HTR2C: variants seen among roughly 807,000 people sequenced by gnomAD.
HTR2C encodes 5-hydroxytryptamine receptor 2C, also known as 5-hydroxytryptamine (serotonin) receptor 2C, G protein-coupled.
HTR2C carries 5 observed loss-of-function variants against 21.0 expected under a neutral mutation model. The observed-to-expected ratio is 0.24, with a 90% CI of 0.12 to 0.50. The LOEUF is 0.50. Ranked by LOEUF, HTR2C falls within the 20% of genes least tolerant of loss-of-function variation. HTR2C has a pLI of 0.98. For synonymous variants in HTR2C, 150 were observed against 145.3 expected (o/e 1.03, Z -0.23); for missense variants, 271 against 371.2 (o/e 0.73, Z 2.22).
In HTR2C at chrX:114,866,008, G is replaced by A. The variant is rs1307879837; in HGVS notation, c.550+17805G>A. Among the ~76,000 whole-genome samples, 20 of 110,439 alleles carry A rather than the reference G, an allele frequency of 1.8e-4. No individual in the cohort carries two copies. The Admixed American group carries it at 1.9e-3, about 11-fold the overall frequency. The stretch of plus-strand genomic sequence containing the variant: ...ACTTTTGTGTTTTTAGTAGAGACGG[G>A]ATTTCACCATATTGATCAGGCTGGT... On this transcript the variant is annotated intron_variant, in intron 5 of 5. Coordinates refer to ENST00000276198, the MANE Select transcript of HTR2C (RefSeq NM_000868.4).
At chrX:114,681,519 A>C (rs1556413503) in intron 2 of HTR2C, among the ~76,000 whole-genome samples, 1 of 111,060 alleles carries the variant, frequency 9.0e-6, no homozygotes, top group Non-Finnish European at 1.9e-5. Context: ...AATGAGTAAC[A>C]CTGCAAGAAA....
Position 114,722,976 on chromosome X carries a change from CT to C in HTR2C, c.-79-3876del, listed in dbSNP as rs1407655750. ...ATCAAGGATATCGGTCTAAAATTCT[CT>C]TTTTTGGTTGTGTCTCTGCCCAGCT... On this transcript the variant is annotated intron_variant, in intron 2 of 5. Transcript: ENST00000276198. Among the ~76,000 whole-genome samples the C allele has an allele frequency of 2.7e-5, 3 of 111,146 alleles. No homozygotes were observed. The East Asian group carries it at 8.5e-4, about 31-fold the overall frequency.
chrX:114,723,737 A>C (rs1556421207), intron 2 of HTR2C, among the ~76,000 whole-genome samples: 2 of 110,771 alleles, frequency 1.8e-5, no homozygotes, highest in Admixed American at 1.9e-4. Context: ...ATTGGTTTCA[A>C]AGAACATCTT....
chrX:114,665,567 T>C (rs954471829), intron 2 of HTR2C, among the ~76,000 whole-genome samples: 7 of 112,198 alleles, frequency 6.2e-5, no homozygotes, highest in Non-Finnish European at 9.4e-5. Flanking sequence ...TTAACAAATG[T>C]TTTCTATGTT....
intron 2 of HTR2C, among the ~76,000 whole-genome samples, chrX:114,688,458 A>G (rs1165571714): frequency 4.5e-5 from 5 of 111,971 alleles, no homozygotes; most frequent in African/African-American, 1.6e-4. Flanking sequence ...ATAAACATAC[A>G]TAAGCAACCA....
intron 5 of HTR2C, among the ~76,000 whole-genome samples, chrX:114,899,204 G>A (rs1332780843): frequency 1.8e-5 from 2 of 111,311 alleles, no homozygotes; most frequent in Non-Finnish European, 3.8e-5. Context: ...TGTTGTTTCT[G>A]TATAGGAATG....
rs782209448 is a variant in HTR2C at position 114,907,350 on chromosome X, G to C, written c.1312G>C (p.Val438Leu). The change falls in exon 6 of 6, where the codon GTT (valine) becomes CTT (leucine). Residue 438 changes from valine (V) to leucine (L), a missense_variant. Val to Leu is a conservative substitution (Grantham distance 32). Transcript: ENST00000276198. ...SDNEPGIEMQ[V>L]ENLELPVNPS... ...CAATGAGCCCGGTATAGAGATGCAAGTTGAGAATTTAGAGTTACCAGTAAA... is the reference window on the plus strand; with the variant it reads ...CAATGAGCCCGGTATAGAGATGCAACTTGAGAATTTAGAGTTACCAGTAAA... 50 of 1,209,581 alleles carry C rather than the reference G, an allele frequency of 4.1e-5. No homozygotes were observed. Among genetic ancestry groups the C allele is most frequent in the Non-Finnish European group, 5.3e-5 (47 of 895,024 alleles).
chrX:114,834,103 G>A (rs2070756767), intron 4 of HTR2C, among the ~76,000 whole-genome samples: 1 of 109,999 alleles, frequency 9.1e-6, no homozygotes, highest in Non-Finnish European at 1.9e-5. Context: ...CATTTGCTGA[G>A]GAGAGCTTTA....
chrX:114,882,397 G>C (rs1422206254), intron 5 of HTR2C, among the ~76,000 whole-genome samples: 1 of 110,215 alleles, frequency 9.1e-6, no homozygotes, highest in Non-Finnish European at 1.9e-5. Context: ...AAAGGGGCCA[G>C]ACTGAATATT....
intron 4 of HTR2C, among the ~76,000 whole-genome samples, chrX:114,766,110 G>T (rs782306560): frequency 2.9e-4 from 32 of 111,641 alleles, no homozygotes; most frequent in Non-Finnish European, 5.3e-4. Flanking sequence ...GTTATGCAAA[G>T]AATTTGTGCC....
chrX:114,750,605 G>A (rs183655891), intron 4 of HTR2C, among the ~76,000 whole-genome samples: 5 of 111,545 alleles, frequency 4.5e-5, no homozygotes, highest in East Asian at 2.8e-4. Flanking sequence ...TTTAATTCTC[G>A]CAAACCATAT....
intron 2 of HTR2C, among the ~76,000 whole-genome samples, chrX:114,637,459 T>C (rs972542752): frequency 2.7e-5 from 3 of 112,026 alleles, no homozygotes; most frequent in African/African-American, 9.7e-5. Context: ...TGCTGAAATA[T>C]TAAGCTGCAG....
At chrX:114,852,924 A>T (rs1393688857) in intron 5 of HTR2C, among the ~76,000 whole-genome samples, 2 of 111,502 alleles carry the variant, frequency 1.8e-5, no homozygotes, top group Non-Finnish European at 3.8e-5. Flanking sequence ...TTCAGAATTT[A>T]TCTTCTAAAT....
intron 4 of HTR2C, among the ~76,000 whole-genome samples, chrX:114,830,066 G>A (rs1001199471): frequency 3.6e-5 from 4 of 111,733 alleles, no homozygotes; most frequent in Non-Finnish European, 7.5e-5. Flanking sequence ...ACTTTGAAAA[G>A]TATTGCCATT....
At chrX:114,727,454 G>C (rs1360542776) in intron 3 of HTR2C, among the ~76,000 whole-genome samples, 1 of 111,679 alleles carries the variant, frequency 9.0e-6, no homozygotes, top group Non-Finnish European at 1.9e-5. Flanking sequence ...TTGATGCAGT[G>C]ACCCAGTTGC....
chrX:114,798,065 C>G (rs1413612029), intron 4 of HTR2C, among the ~76,000 whole-genome samples: 1 of 33,390 alleles, frequency 3.0e-5, no homozygotes, highest in Non-Finnish European at 7.6e-5. Flanking sequence ...TTAACATTGC[C>G]CTGTTAATCT....
At chrX:114,836,049 G>A (rs374144198) in intron 4 of HTR2C, among the ~76,000 whole-genome samples, 2 of 108,270 alleles carry the variant, frequency 1.8e-5, no homozygotes, top group African/African-American at 6.7e-5. Flanking sequence ...CACTTGAGGA[G>A]GCAGTCTGCC....
chrX:114,861,257 G>T (rs782112863), intron 5 of HTR2C, among the ~76,000 whole-genome samples: 3 of 111,013 alleles, frequency 2.7e-5, no homozygotes, highest in Non-Finnish European at 5.7e-5. Context: ...TTTCCACATA[G>T]AAGTGAGATC....
chrX:114,682,419 TTGG>T (rs1248982635), intron 2 of HTR2C, among the ~76,000 whole-genome samples: 2 of 111,486 alleles, frequency 1.8e-5, no homozygotes, highest in African/African-American at 6.5e-5. Flanking sequence ...TTATCTATAA[TTGG>T]TGGGCGGCAA....
Sources: gnomAD v4.1 joint callset for allele counts (sites outside exome capture counted in the v4.1 genomes callset) on GRCh38, gnomAD v4.1.1 for gene constraint, MANE v1.5 for transcripts, NCBI Gene and HGNC (gene_info 2026-07-23, HGNC 2026-07-21) for gene names.